The following PECAM1 variants were observed in gnomAD, a reference collection of about 807,000 sequenced individuals.
PECAM1 encodes platelet endothelial cell adhesion molecule.
A neutral mutation model predicts 13.8 loss-of-function variants in PECAM1; 8 were observed. That is an observed-to-expected ratio of 0.58 (90% CI 0.34 to 1.05). The LOEUF (loss-of-function observed/expected upper bound fraction) is 1.05. Ranked by LOEUF, PECAM1 falls within the 50% of genes least tolerant of loss-of-function variation. The pLI is 0.03. For missense variants in PECAM1, 304 were observed against 141.2 expected (o/e 2.15, Z -5.84); for synonymous variants, 136 against 52.6 (o/e 2.58, Z -6.86).
chr17:64,368,571 C>T (rs952635790), intron 5 of PECAM1, among the ~76,000 whole-genome samples: 1 of 152,088 alleles, frequency 6.6e-6, no homozygotes, highest in Non-Finnish European at 1.5e-5. Context: ...TAAACCTGGG[C>T]CAGCCCAGTG....
At chr17:64,331,335 A>G (rs2035112255) in intron 14 of PECAM1, among the ~76,000 whole-genome samples, 1 of 151,990 alleles carries the variant, frequency 6.6e-6, no homozygotes, top group South Asian at 2.1e-4. Flanking sequence ...ACAGATGCCC[A>G]CCACAATAGC....
chr17:64,339,192 T>C (rs1346759874), intron 14 of PECAM1, among the ~76,000 whole-genome samples: 1 of 152,046 alleles, frequency 6.6e-6, no homozygotes, highest in African/African-American at 2.4e-5. Context: ...AGCTTCCACC[T>C]TCTACCACCC....
intron 8 of PECAM1, 116 bp downstream of exon 8, chr17:64,355,995 C>A: frequency 2.2e-6 from 1 of 459,066 alleles, no homozygotes; most frequent in East Asian, 3.1e-5. Flanking sequence ...CATTACTCTC[C>A]TAGCCTTCAG....
At chr17:64,350,049 T>A (rs2035679773) in intron 12 of PECAM1, among the ~76,000 whole-genome samples, 2 of 152,166 alleles carry the variant, frequency 1.3e-5, no homozygotes, top group African/African-American at 4.8e-5. Context: ...CAATTTATTG[T>A]CCATTGTCTT....
At chr17:64,390,174 G>C (rs2036685710) in intron 2 of PECAM1, 1 of 349,992 alleles carries the variant, frequency 2.9e-6, no homozygotes, top group Non-Finnish European at 5.1e-6. Context: ...CTAGTCAAGA[G>C]TAGTCGTGAG....
chr17:64,344,052 A>G (rs2035501622), intron 13 of PECAM1, among the ~76,000 whole-genome samples: 1 of 152,226 alleles, frequency 6.6e-6, no homozygotes, highest in African/African-American at 2.4e-5. Flanking sequence ...AGACACTGCA[A>G]CAAATGCTAT....
In PECAM1 at chr17:64,382,566, G is replaced by A. The variant is rs892630676; in HGVS notation, c.92-4449C>T. Among the ~76,000 whole-genome samples, 565 of 152,086 alleles carry A rather than the reference G, an allele frequency of 3.7e-3. 2 individuals are homozygous for A. Among genetic ancestry groups the A allele is most frequent in the Non-Finnish European group, 5.9e-3 (402 of 67,998 alleles). On this transcript the variant is annotated intron_variant, in intron 2 of 15. Transcript: ENST00000563924. ...TATTTTTTAATTTTAATTTTTTAGAGATGGGGTCTTACTATGTTGTCCAGG... is the reference window on the plus strand; with the variant it reads ...TATTTTTTAATTTTAATTTTTTAGAAATGGGGTCTTACTATGTTGTCCAGG...
rs2036204230 is a variant in PECAM1, at chr17:64,369,991, G to A, written c.726C>T (p.Pro242=). ...GAGCTCCTTCCATGATCATTCCGGT[G>A]GGGCTGATGTGGAACTTGGGTGTAG... ...SFSTPKFHIS[P]TGMIMEGAQL... is the part of the protein sequence containing the mutation. The change falls in exon 5 of 16, where the codon CCC becomes CCT. Residue 242 remains proline, a synonymous_variant. Transcript: ENST00000563924. 1.0e-5 allele frequency: 4 copies of A among 398,476 alleles called. No homozygotes were observed. In the South Asian group the frequency reaches 3.8e-4, roughly 38 times the overall value. 24.7% of individuals were successfully genotyped at this position (398,476 alleles called of 1,614,324 possible).
Position 64,323,644 on chromosome 17 carries a change from T to C in PECAM1, c.*172A>G. On this transcript the variant is annotated 3_prime_UTR_variant, in exon 16 of 16. Coordinates refer to ENST00000563924, the MANE Select transcript of PECAM1 (RefSeq NM_000442.5). ...CCTCTGTATCTCTTTCTACCCAACATTAACTTAGCAGGATGGATTTAAGAA... is the reference window on the plus strand; with the variant it reads ...CCTCTGTATCTCTTTCTACCCAACACTAACTTAGCAGGATGGATTTAAGAA... 6.8e-7 allele frequency: 1 copy of C among 1,472,338 alleles called. No homozygotes were observed. Among genetic ancestry groups the C allele is most frequent in the Non-Finnish European group, 9.0e-7 (1 of 1,113,786 alleles). 91.2% of individuals were successfully genotyped at this position (1,472,338 alleles called of 1,614,324 possible). A position where few individuals can be genotyped will look rare whatever the true frequency, so the allele number is the denominator to read the frequency against.
At position 64,353,529 on chromosome 17, in the gene PECAM1, G is replaced by T; in HGVS notation, c.1889-11C>A. On this transcript the variant is annotated splice_polypyrimidine_tract_variant and intron_variant, in intron 9 of 15. Transcript: ENST00000563924. ...CTGGCATCTGCTTGGCTTTAAAACA[G>T]AAAACGAAAAACCAAAGTCAGTATA... The T allele has an allele frequency of 2.1e-6, 1 of 469,282 alleles. No individual in the cohort carries two copies. Among genetic ancestry groups the T allele is most frequent in the South Asian group, 7.5e-5 (1 of 13,322 alleles). The allele number at this position is 469,282 out of a possible 1,614,324, so 29.1% of individuals were successfully genotyped here. A position where few individuals can be genotyped will look rare whatever the true frequency, so the allele number is the denominator to read the frequency against.
intron 14 of PECAM1, among the ~76,000 whole-genome samples, chr17:64,331,352 A>C (rs185491268): frequency 6.6e-6 from 1 of 152,162 alleles, no homozygotes; most frequent in Admixed American, 6.5e-5. Context: ...TAGCCGGGTA[A>C]TTTTTGTATT....
At chr17:64,359,373 T>G (rs985311334) in intron 7 of PECAM1, among the ~76,000 whole-genome samples, 1 of 152,086 alleles carries the variant, frequency 6.6e-6, no homozygotes, top group African/African-American at 2.4e-5. Context: ...ATATTTCTCT[T>G]GAGTATGATG....
At chr17:64,377,080 G>C (rs2036375694) in intron 3 of PECAM1, among the ~76,000 whole-genome samples, 1 of 152,214 alleles carries the variant, frequency 6.6e-6, no homozygotes, top group African/African-American at 2.4e-5. Flanking sequence ...ATAATTGCCT[G>C]AAATGGGTAT....
chr17:64,340,927 G>A (rs1471685411), intron 14 of PECAM1, among the ~76,000 whole-genome samples: 3 of 152,002 alleles, frequency 2.0e-5, no homozygotes, highest in African/African-American at 4.8e-5. Context: ...GAGAAACCCC[G>A]TCTCTACTAA....
At chr17:64,357,927 C>T (rs2035882299) in intron 7 of PECAM1, among the ~76,000 whole-genome samples, 1 of 152,082 alleles carries the variant, frequency 6.6e-6, no homozygotes, top group Non-Finnish European at 1.5e-5. Flanking sequence ...TCCGAGAACT[C>T]ATTTGCATCC....
chr17:64,368,739 G>A (rs915521851), intron 5 of PECAM1, among the ~76,000 whole-genome samples: 4 of 151,246 alleles, frequency 2.6e-5, no homozygotes, highest in African/African-American at 9.7e-5. Flanking sequence ...TGTAATCCCA[G>A]CTACTCGGGA....
intron 9 of PECAM1, 55 bp downstream of exon 9, chr17:64,354,878 G>T: frequency 2.1e-6 from 1 of 473,598 alleles, no homozygotes. Context: ...CGCATCCCTG[G>T]CTGGTTTCCT....
intron 2 of PECAM1, among the ~76,000 whole-genome samples, chr17:64,380,210 C>T (rs2036451999): frequency 6.6e-6 from 1 of 151,854 alleles, no homozygotes; most frequent in Non-Finnish European, 1.5e-5. Context: ...TGCCTGTAAT[C>T]CCAGCTACTT....
intron 2 of PECAM1, among the ~76,000 whole-genome samples, chr17:64,382,063 G>T (rs1216689267): frequency 1.3e-5 from 2 of 152,144 alleles, no homozygotes; most frequent in Non-Finnish European, 2.9e-5. Context: ...TCATGCCATT[G>T]CACTCCAGCC....
Sources: gnomAD v4.1 joint callset for allele counts (sites outside exome capture counted in the v4.1 genomes callset) on GRCh38, gnomAD v4.1.1 for gene constraint, MANE v1.5 for transcripts, NCBI Gene and HGNC (gene_info 2026-07-23, HGNC 2026-07-21) for gene names.